Variants in STAU1 observed in about 807,000 individuals in gnomAD.
STAU1 encodes double-stranded RNA-binding protein Staufen homolog 1.
Under a neutral mutation model 62.9 loss-of-function variants are expected in STAU1, and 13 were observed. That is an observed-to-expected ratio of 0.21 (90% CI 0.13 to 0.33). The LOEUF (loss-of-function observed/expected upper bound fraction) is 0.33, where lower values mean the gene tolerates loss of function less well. Ranked by LOEUF, STAU1 falls within the 10% of genes least tolerant of loss-of-function variation. The pLI, the probability that STAU1 is intolerant of heterozygous loss-of-function variation, is 1.00. For synonymous variants in STAU1, 269 were observed against 265.1 expected (o/e 1.01, Z -0.14); for missense variants, 571 against 712.1 (o/e 0.80, Z 2.25).
intron 2 of STAU1, among the ~76,000 whole-genome samples, chr20:49,169,384 TGATATA>T (rs1158860313): frequency 2.0e-5 from 3 of 152,228 alleles, no homozygotes; most frequent in East Asian, 3.8e-4. Flanking sequence ...TTTTCATTAC[TGATATA>T]GATATAGTTC....
At chr20:49,127,639 G>C (rs2092658590) in intron 6 of STAU1, among the ~76,000 whole-genome samples, 1 of 152,138 alleles carries the variant, frequency 6.6e-6, no homozygotes, top group South Asian at 2.1e-4. Flanking sequence ...CCCAGAGGCG[G>C]AGGTTGCAGT....
chr20:49,186,457 A>G (rs1004070423), intron 1 of STAU1, among the ~76,000 whole-genome samples: 1 of 152,178 alleles, frequency 6.6e-6, no homozygotes, highest in Non-Finnish European at 1.5e-5. Context: ...ATGTGTGTTA[A>G]GAGATGGGTA....
intron 1 of STAU1, among the ~76,000 whole-genome samples, chr20:49,184,100 T>C (rs901481499): frequency 6.6e-6 from 1 of 152,052 alleles, no homozygotes; most frequent in Non-Finnish European, 1.5e-5. Context: ...CGGCTAATTT[T>C]TTTTATTTTT....
chr20:49,197,396 TTTTTCTTTTC>T, the STAU1 span, among the ~76,000 whole-genome samples: 1 of 136,080 alleles, frequency 7.3e-6, no homozygotes, highest in Admixed American at 7.4e-5. Flanking sequence ...TTTTCTTTTC[TTTTTCTTTTC>T]TTTTTTTTTT....
chr20:49,128,734 C>G (rs1268115028), intron 6 of STAU1, among the ~76,000 whole-genome samples: 1 of 134,276 alleles, frequency 7.4e-6, no homozygotes, highest in African/African-American at 2.9e-5. Context: ...AGGACTGTCT[C>G]TTCAACAAAC....
chr20:49,137,406 T>C (rs1172271474), intron 5 of STAU1, among the ~76,000 whole-genome samples: 1 of 152,168 alleles, frequency 6.6e-6, no homozygotes, highest in Non-Finnish European at 1.5e-5. Flanking sequence ...AACATGGATT[T>C]TATACTGTGC....
At chr20:49,176,936 G>C (rs1306285835) in intron 1 of STAU1, among the ~76,000 whole-genome samples, 1 of 144,744 alleles carries the variant, frequency 6.9e-6, no homozygotes, top group African/African-American at 2.6e-5. Context: ...TTTTGAGACA[G>C]AGTCTCGCTC....
chr20:49,161,612 T>A (rs1432227178), intron 3 of STAU1, among the ~76,000 whole-genome samples: 1 of 152,192 alleles, frequency 6.6e-6, no homozygotes, highest in Non-Finnish European at 1.5e-5. Flanking sequence ...TCAAGCTGGA[T>A]CTTGCTGAAA....
the STAU1 span, among the ~76,000 whole-genome samples, chr20:49,206,427 T>TG: frequency 1.4e-5 from 2 of 141,058 alleles, no homozygotes; most frequent in African/African-American, 5.4e-5. Flanking sequence ...TTTTTTTTTT[T>TG]TTTTTTTTTT....
Position 49,151,652 on chromosome 20 carries a change from G to T in STAU1, c.440C>A (p.Ala147Asp). 1 of 1,612,716 alleles carries T rather than the reference G, an allele frequency of 6.2e-7. No homozygotes were observed. Among genetic ancestry groups the T allele is most frequent in the Non-Finnish European group, 8.5e-7 (1 of 1,179,524 alleles). ...TTTGGCAGCAGCATCGTGTTTCGCAGCCTGTCTTGTCTTTCCTTTGCCATT... is the reference window on the plus strand; with the variant it reads ...TTTGGCAGCAGCATCGTGTTTCGCATCCTGTCTTGTCTTTCCTTTGCCATT... The part of the protein sequence containing the change: ...QFNGKGKTRQ[A>D]AKHDAAAKAL... The change falls in exon 5 of 14, where the codon GCT becomes GAT. Residue 147 changes from alanine (A) to aspartate (D), a missense_variant. Transcript: ENST00000371856.
chr20:49,149,251 A>AACACACACACACACACAC (rs34854738), intron 5 of STAU1, among the ~76,000 whole-genome samples: 45 of 132,026 alleles, frequency 3.4e-4, no homozygotes, highest in South Asian at 8.3e-4. Context: ...ACTGTCTCAA[A>AACACACACACACACACAC]ACACACACAC....
chr20:49,217,804 G>A, the STAU1 span, among the ~76,000 whole-genome samples: 1 of 149,492 alleles, frequency 6.7e-6, no homozygotes, highest in Admixed American at 6.6e-5. Context: ...CCGAGATCGC[G>A]CCACTACACT....
rs549275402 is a variant in STAU1 at position 49,114,700 on chromosome 20, C to T, written c.*178G>A. 5.4e-5 allele frequency: 36 copies of T among 663,216 alleles called. No individual in the cohort carries two copies. In the African/African-American group the frequency reaches 6.2e-4, roughly 11 times the overall value. The allele number at this position is 663,216 out of a possible 1,614,324, so 41.1% of individuals were successfully genotyped here. On this transcript the variant is annotated 3_prime_UTR_variant, in exon 14 of 14. Transcript: ENST00000371856. ...CATCACAACAAACCCCAGCACAGTC[C>T]AGCCCGGCCACAGCCGCCTCCTTGT... is the stretch of plus-strand genomic sequence containing the variant.
Position 49,115,813 on chromosome 20 carries a change from T to A in STAU1, c.1687A>T (p.Met563Leu), listed in dbSNP as rs1313676759. Residue 563 changes from methionine to leucine, a missense_variant, in exon 13 of 14, where the codon ATG becomes TTG. Met to Leu is a conservative substitution (Grantham distance 15, BLOSUM62 2). Transcript: ENST00000371856. ...ATTGGTCCGTTTCCTGTTCTTGGCATCTCTGTACTTTGTTGGTCCAACTCA... is the reference window on the plus strand; with the variant it reads ...ATTGGTCCGTTTCCTGTTCTTGGCAACTCTGTACTTTGTTGGTCCAACTCA... ...LSELDQQSTE[M>L]PRTGNGPMSV... The A allele has an allele frequency of 6.2e-7, 1 of 1,614,116 alleles. No homozygotes were observed. The highest frequency in any genetic ancestry group is 1.1e-5 in the South Asian group (1 of 91,084).
the STAU1 span, among the ~76,000 whole-genome samples, chr20:49,195,871 C>T: frequency 8.3e-6 from 1 of 120,336 alleles, no homozygotes; most frequent in African/African-American, 3.0e-5. Context: ...GCACTCCAGC[C>T]TGGGCAACAA....
chr20:49,205,783 T>C, the STAU1 span, among the ~76,000 whole-genome samples: 2 of 149,414 alleles, frequency 1.3e-5, no homozygotes, highest in Admixed American at 6.7e-5. Context: ...CAAGCGATTC[T>C]CCTGCCTCAG....
At chr20:49,188,729 C>G (rs2093821954), upstream of STAU1, among the ~76,000 whole-genome samples, 1 of 152,216 alleles carries the variant, frequency 6.6e-6, no homozygotes, top group Non-Finnish European at 1.5e-5. Context: ...TTCTCTCCTT[C>G]CTGCAGTTGT....
rs1356279159 is a variant in STAU1 at position 49,124,601 on chromosome 20, A to C, written c.610-14T>G. On this transcript the variant is annotated splice_polypyrimidine_tract_variant and intron_variant, in intron 6 of 13. Coordinates refer to ENST00000371856, the MANE Select transcript of STAU1 (RefSeq NM_017453.4). ...CTCCCGGGCCACCTGTTTCAGAGGG[A>C]AAGACTGAGTGAAAGCGGACAGACA... The C allele has an allele frequency of 1.9e-6, 3 of 1,613,318 alleles. No individual in the cohort carries two copies. The highest frequency in any genetic ancestry group is 2.5e-6 in the Non-Finnish European group (3 of 1,179,884).
the STAU1 span, among the ~76,000 whole-genome samples, chr20:49,209,007 C>G: frequency 8.6e-5 from 13 of 151,804 alleles, no homozygotes; most frequent in Admixed American, 2.0e-4. Flanking sequence ...ACAATCTCAG[C>G]TCACTGCAAC....
Sources: allele counts gnomAD v4.1 joint callset (sites outside exome capture counted in the v4.1 genomes callset), GRCh38; gene constraint gnomAD v4.1.1; transcripts MANE v1.5; gene names NCBI Gene and HGNC (gene_info 2026-07-23, HGNC 2026-07-21).